Variants in ADAMTS20 observed in about 807,000 individuals in gnomAD.
The protein encoded by ADAMTS20 is ADAM metallopeptidase with thrombospondin type 1 motif 20, also known as A disintegrin and metalloproteinase with thrombospondin motifs 20.
A neutral mutation model predicts 260.1 loss-of-function variants in ADAMTS20; 225 were observed. That is an observed-to-expected ratio of 0.87 (90% CI 0.78 to 0.97). The LOEUF is 0.97. Ranked by LOEUF, ADAMTS20 falls within the 50% of genes least tolerant of loss-of-function variation. The probability of loss-of-function intolerance (pLI) is 0.00; values close to 1 mark genes in which losing one functional copy is unlikely to be tolerated. For synonymous variants in ADAMTS20, 802 were observed against 769.5 expected (o/e 1.04, Z -0.70); for missense variants, 2,400 against 2,337.7 (o/e 1.03, Z -0.55).
At chr12:43,511,859 G>T (rs1565577644) in intron 3 of ADAMTS20, among the ~76,000 whole-genome samples, 1 of 151,992 alleles carries the variant, frequency 6.6e-6, no homozygotes, top group Non-Finnish European at 1.5e-5. Flanking sequence ...ACTTGTTCTA[G>T]ACTTAACATC....
chr12:43,515,815 GA>G (rs1299966484), intron 3 of ADAMTS20, among the ~76,000 whole-genome samples: 2 of 152,064 alleles, frequency 1.3e-5, no homozygotes, highest in African/African-American at 2.4e-5. Context: ...ACAAAAGTAG[GA>G]AAAAATCAAA....
chr12:43,434,330 G>C lies in ADAMTS20; in HGVS notation c.2635C>G (p.His879Asp). The C allele has an allele frequency of 6.3e-7, 1 of 1,592,186 alleles. No individual in the cohort carries two copies. The highest frequency in any genetic ancestry group is 8.6e-7 in the Non-Finnish European group (1 of 1,167,968). ...CATTCTTTATCAGACACAACACTAT[G>C]ATCACTCTTATGTATGCAAGTTATG... ...RNITCIHKSD[H>D]SVVSDKECDH... Residue 879 changes from histidine (H) to aspartate (D), a missense_variant, in exon 19 of 39, where the codon CAT (histidine) becomes GAT (aspartate). By Grantham distance (81) the His-to-Asp change is moderately conservative. Coordinates refer to ENST00000389420, the MANE Select transcript of ADAMTS20 (RefSeq NM_025003.5).
intron 8 of ADAMTS20, among the ~76,000 whole-genome samples, chr12:43,467,691 C>T (rs1377781558): frequency 6.6e-6 from 1 of 151,998 alleles, no homozygotes; most frequent in Non-Finnish European, 1.5e-5. Flanking sequence ...TCCTATCCCC[C>T]GACTTCATAA....
At chr12:43,383,433 A>G (rs1229338810) in intron 31 of ADAMTS20, 125 bp downstream of exon 31, 5 of 908,648 alleles carry the variant, frequency 5.5e-6, no homozygotes, top group Non-Finnish European at 8.1e-6. Flanking sequence ...CATTCCTTAG[A>G]TTGATATGCA....
intron 31 of ADAMTS20, among the ~76,000 whole-genome samples, chr12:43,377,836 T>C (rs1267385663): frequency 6.6e-6 from 1 of 152,026 alleles, no homozygotes; most frequent in African/African-American, 2.4e-5. Flanking sequence ...TACATTACCA[T>C]CTTAATTGTA....
At chr12:43,360,095 C>A (rs1939834100) in intron 37 of ADAMTS20, among the ~76,000 whole-genome samples, 1 of 150,614 alleles carries the variant, frequency 6.6e-6, no homozygotes, top group Admixed American at 6.6e-5. Flanking sequence ...TATAAAAAAA[C>A]TCAAAACTCA....
At chr12:43,422,406 T>C (rs1247328479) in intron 28 of ADAMTS20, among the ~76,000 whole-genome samples, 1 of 152,054 alleles carries the variant, frequency 6.6e-6, no homozygotes, top group East Asian at 1.9e-4. Flanking sequence ...TAAGCTATTC[T>C]GAAGTTTGTC....
At chr12:43,517,174 T>C (rs1256863257) in intron 3 of ADAMTS20, among the ~76,000 whole-genome samples, 1 of 152,042 alleles carries the variant, frequency 6.6e-6, no homozygotes, top group Non-Finnish European at 1.5e-5. Context: ...ATTTTTGTTA[T>C]TGCTATTTCT....
At chr12:43,446,821 C>G (rs1181157918) in intron 14 of ADAMTS20, 109 bp from the exon 15 acceptor site, 7 of 857,942 alleles carry the variant, frequency 8.2e-6, no homozygotes, top group Non-Finnish European at 1.3e-5. Flanking sequence ...TACCACTGAC[C>G]CCACAGAAAT....
intron 35 of ADAMTS20, 147 bp downstream of exon 35, chr12:43,375,910 C>T: frequency 1.6e-6 from 1 of 627,864 alleles, no homozygotes. Flanking sequence ...GCATTAACAA[C>T]ATCTAGTTTA....
rs530244814 is a variant in ADAMTS20, at chr12:43,428,305, T to C, written c.3881A>G (p.Asn1294Ser). 7 of 1,614,010 alleles carry C rather than the reference T, an allele frequency of 4.3e-6. No individual in the cohort carries two copies. The highest frequency in any genetic ancestry group is 1.7e-5 in the Admixed American group (1 of 60,010). Reference protein sequence around the residue: ...NLPLTQKLEDNENQVVHPSVR... With the variant: ...NLPLTQKLEDSENQVVHPSVR... Reference sequence around the variant, plus strand: ...TGATGGATGGACCACCTGATTTTCATTATCTTCAAGTTTTTGAGTTAATGG... The same window carrying C: ...TGATGGATGGACCACCTGATTTTCACTATCTTCAAGTTTTTGAGTTAATGG... The change falls in exon 26 of 39, where the codon AAT (asparagine) becomes AGT (serine). Residue 1294 changes from asparagine to serine, a missense_variant. Transcript: ENST00000389420.
At chr12:43,501,042 T>A in intron 4 of ADAMTS20, among the ~76,000 whole-genome samples, 1 of 146,320 alleles carries the variant, frequency 6.8e-6, no homozygotes, top group South Asian at 2.2e-4. Flanking sequence ...TATAAATAGG[T>A]GGCTATGTAA....
At chr12:43,542,056 G>A (rs1943383610) in intron 2 of ADAMTS20, among the ~76,000 whole-genome samples, 1 of 152,080 alleles carries the variant, frequency 6.6e-6, no homozygotes, top group African/African-American at 2.4e-5. Flanking sequence ...ATAACATGGA[G>A]CAAATTCTGT....
rs549454271 is a variant in ADAMTS20, at chr12:43,526,008, G to A, written c.613+6028C>T. ...GCAACATAGAAACACTAGGCTTAAC[G>A]TACACTCTAGAACAAAGGAACGTAA... is the stretch of plus-strand genomic sequence containing the variant. On this transcript the variant is annotated intron_variant, in intron 3 of 38. Transcript: ENST00000389420. Among the ~76,000 whole-genome samples, 79 of 152,154 alleles carry A rather than the reference G, an allele frequency of 5.2e-4. 2 individuals are homozygous for A. The highest frequency in any genetic ancestry group is 1.7e-3 in the African/African-American group (69 of 41,502).
At chr12:43,359,321 G>A (rs1407774999) in intron 37 of ADAMTS20, among the ~76,000 whole-genome samples, 1 of 152,210 alleles carries the variant, frequency 6.6e-6, no homozygotes, top group African/African-American at 2.4e-5. Context: ...CATATAGATA[G>A]ATGCAAGTTT....
intron 7 of ADAMTS20, among the ~76,000 whole-genome samples, chr12:43,474,501 C>A (rs1254185139): frequency 1.0e-4 from 14 of 138,564 alleles, no homozygotes; most frequent in African/African-American, 3.8e-4. Context: ...AGGCCAGCAT[C>A]ATTCTGATAC....
chr12:43,378,461 G>A (rs1468814392), intron 31 of ADAMTS20, among the ~76,000 whole-genome samples: 3 of 152,110 alleles, frequency 2.0e-5, no homozygotes, highest in Non-Finnish European at 4.4e-5. Context: ...AATACATGAG[G>A]AAATAGGTAA....
At chr12:43,366,066 A>G (rs1789982775) in intron 37 of ADAMTS20, among the ~76,000 whole-genome samples, 1 of 151,922 alleles carries the variant, frequency 6.6e-6, no homozygotes, top group Admixed American at 6.6e-5. Flanking sequence ...AAAAAATCCA[A>G]TCAAAGGCAG....
chr12:43,536,661 T>C (rs577056804), intron 2 of ADAMTS20, among the ~76,000 whole-genome samples: 1 of 152,236 alleles, frequency 6.6e-6, no homozygotes, highest in Non-Finnish European at 1.5e-5. Flanking sequence ...AAACGGTGAC[T>C]GAAAGGCCTA....
Sources: allele counts gnomAD v4.1 joint callset (sites outside exome capture counted in the v4.1 genomes callset), GRCh38; gene constraint gnomAD v4.1.1; transcripts MANE v1.5; gene names NCBI Gene and HGNC (gene_info 2026-07-23, HGNC 2026-07-21).